The following PHRF1 variants were observed in gnomAD, a reference collection of about 807,000 sequenced individuals.
PHRF1 encodes PHD and RING finger domain-containing protein 1.
In PHRF1, 53 loss-of-function variants were observed where a neutral mutation model predicts 128.9. The ratio of observed to expected loss-of-function variants is 0.41; its 90% CI spans 0.33 to 0.52. The LOEUF (loss-of-function observed/expected upper bound fraction) is 0.52, where lower values mean the gene tolerates loss of function less well. Among genes scored for constraint, PHRF1 ranks in the 20% least tolerant of loss-of-function variants. PHRF1 has a pLI of 0.21. For synonymous variants in PHRF1, 1,178 were observed against 980.6 expected, an observed-to-expected ratio of 1.20 and a Z score of -3.76; for missense variants, 2,503 against 2,284.5, an observed-to-expected ratio of 1.10 and a Z score of -1.95.
chr11:584,728 CCT>C (rs1564840529), intron 3 of PHRF1, among the ~76,000 whole-genome samples: 1 of 142,778 alleles, frequency 7.0e-6, no homozygotes, highest in Non-Finnish European at 1.5e-5. Flanking sequence ...TTCTCCAGGA[CCT>C]TTTTTTTTTT....
chr11:606,621 C>T (rs750020437), intron 13 of PHRF1, 25 bp downstream of exon 13: 2 of 1,578,228 alleles, frequency 1.3e-6, no homozygotes, highest in Admixed American at 1.7e-5. Context: ...TGCCACGGCC[C>T]CTTCCTCTGT....
At chr11:595,323 A>T (rs778790272) in intron 6 of PHRF1, among the ~76,000 whole-genome samples, 1 of 152,196 alleles carries the variant, frequency 6.6e-6, no homozygotes, top group East Asian at 1.9e-4. Context: ...ACAAAAAAAC[A>T]CTATCTGTAG....
At chr11:605,926 G>A (rs545288071) in intron 12 of PHRF1, among the ~76,000 whole-genome samples, 1 of 152,344 alleles carries the variant, frequency 6.6e-6, no homozygotes, top group East Asian at 1.9e-4. Context: ...CGGCCTGCCT[G>A]TGAGCGTGGA....
intron 3 of PHRF1, among the ~76,000 whole-genome samples, chr11:585,816 G>T (rs1435588209): frequency 6.6e-6 from 1 of 151,364 alleles, no homozygotes; most frequent in Non-Finnish European, 1.5e-5. Context: ...AAGTAGCTGG[G>T]ACTATAGGCA....
chr11:592,016 C>T (rs967867969), intron 5 of PHRF1, among the ~76,000 whole-genome samples: 6 of 151,350 alleles, frequency 4.0e-5, no homozygotes, highest in Admixed American at 6.6e-5. Context: ...CCTGGGTTCA[C>T]GCCATTGTCC....
Position 608,896 on chromosome 11 carries a change from A to T in PHRF1, c.3440A>T (p.Asp1147Val). The T allele has an allele frequency of 6.2e-7, 1 of 1,612,212 alleles. No homozygotes were observed. The highest frequency in any genetic ancestry group is 8.5e-7 in the Non-Finnish European group (1 of 1,179,766). The part of the protein sequence containing the change: ...HQRERSHERP[D>V]RKESVAWPRD... ...CGGGAACGCAGCCACGAGCGGCCAG[A>T]CAGGAAGGAGAGTGTGGCGTGGCCC... Residue 1147 changes from aspartate (D) to valine (V), a missense_variant, in exon 14 of 18, where the codon GAC (aspartate) becomes GTC (valine). By Grantham distance (152) the Asp-to-Val change is radical. Coordinates refer to ENST00000264555, the MANE Select transcript of PHRF1 (RefSeq NM_001286581.2).
chr11:606,688 G>C lies in PHRF1; in HGVS notation c.1609+92G>C, dbSNP rs1339033567. The C allele has an allele frequency of 4.1e-6, 6 of 1,460,588 alleles. No individual in the cohort carries two copies. The African/African-American group carries it at 4.2e-5, about 10-fold the overall frequency. The allele number at this position is 1,460,588 out of a possible 1,614,324, so 90.5% of individuals were successfully genotyped here. ...CTCAGCCCATGTCTCAGTCACGGAAGATGTAGCTGAAGTTGGGGGGACCAT... is the reference window on the plus strand; with the variant it reads ...CTCAGCCCATGTCTCAGTCACGGAACATGTAGCTGAAGTTGGGGGGACCAT... On this transcript the variant is annotated intron_variant, in intron 13 of 17. Transcript: ENST00000264555.
Position 610,981 on chromosome 11 carries a change from C to T in PHRF1, c.4705C>T (p.Arg1569Cys), listed in dbSNP as rs370716562. Residue 1569 changes from arginine to cysteine, a missense_variant, in exon 17 of 18, where the codon CGT becomes TGT. Physicochemically the swap from Arg to Cys is radical, Grantham distance 180 (BLOSUM62 -3). Coordinates refer to ENST00000264555, the MANE Select transcript of PHRF1 (RefSeq NM_001286581.2). The stretch of plus-strand genomic sequence containing the variant: ...CATGAAGAAGCTGCACATGCAGGAG[C>T]GTGCTGTGGAGGAGGTGAAGCTGGC... ...EYMKKLHMQE[R>C]AVEEVKLAIK... 6.2e-6 allele frequency: 10 copies of T among 1,613,344 alleles called. No individual in the cohort carries two copies. The highest frequency in any genetic ancestry group is 2.2e-5 in the East Asian group (1 of 44,882).
At chr11:603,700 C>A (rs990841633) in intron 10 of PHRF1, among the ~76,000 whole-genome samples, 29 of 143,538 alleles carry the variant, frequency 2.0e-4, no homozygotes, top group Admixed American at 4.2e-4. Flanking sequence ...TCATATAATA[C>A]ATATTTATCT....
At chr11:602,164 C>T (rs975329404) in intron 10 of PHRF1, among the ~76,000 whole-genome samples, 6 of 152,208 alleles carry the variant, frequency 3.9e-5, no homozygotes, top group African/African-American at 1.4e-4. Context: ...TGGGAGCGGC[C>T]TCCTTGGTAT....
At chr11:599,315 A>G (rs1030986568) in intron 9 of PHRF1, among the ~76,000 whole-genome samples, 11 of 125,200 alleles carry the variant, frequency 8.8e-5, no homozygotes, top group Admixed American at 7.5e-4. Context: ...CAGTGGCATG[A>G]TCTTGGCTCA....
chr11:578,088 G>A (rs940338401), intron 1 of PHRF1, among the ~76,000 whole-genome samples: 3 of 152,158 alleles, frequency 2.0e-5, no homozygotes, highest in African/African-American at 4.8e-5. Context: ...GTATGGGGAA[G>A]GGAAGATTTG....
chr11:592,244 C>G (rs994619495), intron 5 of PHRF1, among the ~76,000 whole-genome samples: 2 of 145,994 alleles, frequency 1.4e-5, no homozygotes, highest in African/African-American at 2.5e-5. Context: ...AGAGGCAGAT[C>G]TTGCTCTTCC....
chr11:603,531 C>T (rs1855762593), intron 10 of PHRF1, among the ~76,000 whole-genome samples: 1 of 151,980 alleles, frequency 6.6e-6, no homozygotes, highest in African/African-American at 2.4e-5. Flanking sequence ...GACGGGGTCT[C>T]ACTGCGTTCC....
Position 597,598 on chromosome 11 carries a change from G to T in PHRF1, c.894+28G>T, listed in dbSNP as rs748488156. 3.8e-6 allele frequency: 6 copies of T among 1,573,324 alleles called. No individual in the cohort carries two copies. In the African/African-American group the frequency reaches 4.0e-5, roughly 11 times the overall value. Reference sequence around the variant, plus strand: ...GGGTGGCCCAGCCCTGACGCCAGTCGTAGAACCCCAGCTGCCCAGAGTGAT... The same window carrying T: ...GGGTGGCCCAGCCCTGACGCCAGTCTTAGAACCCCAGCTGCCCAGAGTGAT... On this transcript the variant is annotated intron_variant, in intron 8 of 17. Transcript: ENST00000264555. The surrounding 1 kb of genome is among the most constrained non-coding windows in gnomAD (Gnocchi z 6.5).
intron 10 of PHRF1, among the ~76,000 whole-genome samples, chr11:602,502 G>A (rs562223646): frequency 1.1e-4 from 17 of 152,168 alleles, no homozygotes; most frequent in Non-Finnish European, 1.6e-4. Flanking sequence ...CCAACATGGT[G>A]AAACCCCATC....
rs367666673 is a variant in PHRF1 at position 605,134 on chromosome 11, C to T, written c.1168C>T (p.Arg390Cys). 1.1e-5 allele frequency: 18 copies of T among 1,609,836 alleles called. No individual in the cohort carries two copies. The highest frequency in any genetic ancestry group is 2.2e-5 in the East Asian group (1 of 44,798). ...CTGGATTCAGAGTGAAGCCACCACT[C>T]GCTCTCGAATCGCGCGGACGCTGGG... The part of the protein sequence containing the change: ...GKKVKSEATT[R>C]SRIARTLGLR... Residue 390 changes from arginine (R) to cysteine (C), a missense_variant, in exon 11 of 18, where the codon CGC becomes TGC. Transcript: ENST00000264555.
chr11:585,937 C>A (rs543436020), intron 3 of PHRF1, among the ~76,000 whole-genome samples: 1 of 152,152 alleles, frequency 6.6e-6, no homozygotes, highest in African/African-American at 2.4e-5. Context: ...TCTAGGCTCA[C>A]TGCAACCTCT....
rs1051461353 is a variant in PHRF1, at chr11:584,647, C to T, written c.214+2566C>T. Among the ~76,000 whole-genome samples the T allele has an allele frequency of 1.8e-4, 27 of 150,940 alleles. 1 individual carries two copies. Among genetic ancestry groups the T allele is most frequent in the Non-Finnish European group, 2.9e-5 (2 of 67,818 alleles). Reference sequence around the variant, plus strand: ...AGACCTGGAGCCCCTGAGGGCTGAGCGCCCCGAAGGAAGGGGATGGGAAGG... The same window carrying T: ...AGACCTGGAGCCCCTGAGGGCTGAGTGCCCCGAAGGAAGGGGATGGGAAGG... On this transcript the variant is annotated intron_variant, in intron 3 of 17. Transcript: ENST00000264555.
Sources: allele counts gnomAD v4.1 joint callset (sites outside exome capture counted in the v4.1 genomes callset), GRCh38; gene constraint gnomAD v4.1.1; non-coding constraint Gnocchi (gnomAD v3.1); transcripts MANE v1.5; gene names NCBI Gene and HGNC (gene_info 2026-07-23, HGNC 2026-07-21).